Variants in PCDHGB1 observed in about 807,000 individuals in gnomAD.
PCDHGB1 encodes the protein protocadherin gamma-B1.
A neutral mutation model predicts 56.6 loss-of-function variants in PCDHGB1; 34 were observed. The ratio of observed to expected loss-of-function variants is 0.60; its 90% confidence interval spans 0.46 to 0.80. The LOEUF (loss-of-function observed/expected upper bound fraction) is 0.80. Ranked by LOEUF, PCDHGB1 falls within the 30% of genes least tolerant of loss-of-function variation. The pLI is 0.00. For synonymous variants in PCDHGB1, 561 were observed against 505.9 expected (o/e 1.11, Z -1.46); for missense variants, 1,278 against 1,204.6 (o/e 1.06, Z -0.90).
chr5:141,427,723 G>A, intron 1 of PCDHGB1: 1 of 1,127,490 alleles, frequency 8.9e-7, no homozygotes, highest in Non-Finnish European at 1.3e-6. Context: ...CTGGACCTAG[G>A]GCTGAATGGC....
intron 1 of PCDHGB1, chr5:141,398,248 A>G (rs908511447): frequency 1.4e-6 from 2 of 1,472,692 alleles, no homozygotes; most frequent in African/African-American, 2.9e-5. Flanking sequence ...TCCCGAGGAA[A>G]TGCCCAAGGG....
At chr5:141,384,046 A>T (rs372405767) in intron 1 of PCDHGB1, 1 of 1,612,316 alleles carries the variant, frequency 6.2e-7, no homozygotes, top group Admixed American at 1.7e-5. Context: ...TGGTGAGGTG[A>T]CCTGCACCAT....
At chr5:141,462,474 C>T (rs2099040477) in intron 1 of PCDHGB1, among the ~76,000 whole-genome samples, 1 of 151,994 alleles carries the variant, frequency 6.6e-6, no homozygotes, top group South Asian at 2.1e-4. Flanking sequence ...TATTCTGCTT[C>T]TCGTGGTTGT....
intron 1 of PCDHGB1, chr5:141,389,844 G>C: frequency 6.2e-7 from 1 of 1,614,014 alleles, no homozygotes; most frequent in Non-Finnish European, 8.5e-7. Flanking sequence ...ACCACTCTCG[G>C]CCACTGCCAC....
intron 1 of PCDHGB1, chr5:141,371,624 G>A (rs1429175978): frequency 6.2e-7 from 1 of 1,613,994 alleles, no homozygotes. Context: ...ATGGAGCCCT[G>A]GACCGGGAGC....
chr5:141,405,410 TTTTTGTTTTTTG>T lies in PCDHGB1; in HGVS notation c.2409+52751_2409+52762del, dbSNP rs1345529499. 4 of 1,557,296 alleles carry T rather than the reference TTTTTGTTTTTTG, an allele frequency of 2.6e-6. No individual in the cohort carries two copies. In the South Asian group the frequency reaches 4.6e-5, roughly 18 times the overall value. ...ATTTTTTTTCTTTCTTTCTTTTCTT[TTTTTGTTTTTTG>T]TTTTGTTTTGTTTTTGAGACAGAGT... On this transcript the variant is annotated intron_variant, in intron 1 of 3. Transcript: ENST00000523390.
intron 1 of PCDHGB1, chr5:141,418,409 G>A (rs2096254230): frequency 6.2e-7 from 1 of 1,613,792 alleles, no homozygotes; most frequent in African/African-American, 1.3e-5. Context: ...GGTGGAGAAA[G>A]ACAATCCTGA....
At chr5:141,456,860 G>A (rs1345260160) in intron 1 of PCDHGB1, among the ~76,000 whole-genome samples, 1 of 152,170 alleles carries the variant, frequency 6.6e-6, no homozygotes, top group African/African-American at 2.4e-5. Flanking sequence ...CTAATTGGGA[G>A]GCTGAGGCAG....
chr5:141,473,147 T>A (rs2099315103), intron 1 of PCDHGB1, among the ~76,000 whole-genome samples: 1 of 152,222 alleles, frequency 6.6e-6, no homozygotes, highest in Admixed American at 6.5e-5. Flanking sequence ...TCTCTTCAGA[T>A]CACTAGGGCT....
At position 141,476,140 on chromosome 5, in the gene PCDHGB1, C is replaced by A. The variant is rs1410430310; in HGVS notation, c.2410-18667C>A. On this transcript the variant is annotated intron_variant, in intron 1 of 3. Coordinates refer to ENST00000523390, the MANE Select transcript of PCDHGB1 (RefSeq NM_018922.3). The surrounding 1 kb of genome is among the most constrained non-coding windows in gnomAD (Gnocchi z 7.6). ...AGATGGTCCCAGAGGCCTGGAGGAG[C>A]GGACTGGTAAGCACCGGGAGGGTAG... 6 of 1,609,222 alleles carry A rather than the reference C, an allele frequency of 3.7e-6. No homozygotes were observed. The highest frequency in any genetic ancestry group is 5.1e-6 in the Non-Finnish European group (6 of 1,178,484).
intron 1 of PCDHGB1, chr5:141,372,483 GC>G (rs762661083): frequency 1.9e-6 from 3 of 1,614,028 alleles, no homozygotes; most frequent in Non-Finnish European, 2.5e-6. Flanking sequence ...AGTGGCGTTG[GC>G]CTTGATCTCA....
rs750401937 is a variant in PCDHGB1 at position 141,487,357 on chromosome 5, T to G, written c.2410-7450T>G. 5.0e-6 allele frequency: 8 copies of G among 1,614,212 alleles called. No homozygotes were observed. The highest frequency in any genetic ancestry group is 6.8e-6 in the Non-Finnish European group (8 of 1,180,032). ...CCTGTGGAGTCACATGCTTTCCTGC[T>G]GGCACCTGTGCCTGTCTCACCAGAT... On this transcript the variant is annotated intron_variant, in intron 1 of 3. Transcript: ENST00000523390. This position sits in a 1 kb window ranked among gnomAD's most constrained non-coding sequence, Gnocchi z 5.0.
At chr5:141,421,119 C>T (rs542039688) in intron 1 of PCDHGB1, 1 of 772,768 alleles carries the variant, frequency 1.3e-6, no homozygotes, top group Non-Finnish European at 2.0e-6. Flanking sequence ...TATTTTCCTT[C>T]GCTTTCTGAT....
Position 141,485,665 on chromosome 5 carries a change from C to G in PCDHGB1, c.2410-9142C>G. ...AGGCTCAGGATGCAGATGTGGGGAG[C>G]AATTCGATTAGCAGCTATAGGCTGA... On this transcript the variant is annotated intron_variant, in intron 1 of 3. Coordinates refer to ENST00000523390, the MANE Select transcript of PCDHGB1 (RefSeq NM_018922.3). This position sits in a 1 kb window ranked among gnomAD's most constrained non-coding sequence, Gnocchi z 5.7. 1 of 1,612,622 alleles carries G rather than the reference C, an allele frequency of 6.2e-7. No individual in the cohort carries two copies.
chr5:141,377,445 A>T (rs1442230734), intron 1 of PCDHGB1: 1 of 152,050 alleles, frequency 6.6e-6, no homozygotes, highest in Admixed American at 6.6e-5. Flanking sequence ...AAAAGAAAAA[A>T]AAGTAGCCAG....
intron 1 of PCDHGB1, 96 bp from the exon 2 acceptor site, chr5:141,494,711 A>G (rs757105958): frequency 6.3e-7 from 1 of 1,599,616 alleles, no homozygotes; most frequent in Non-Finnish European, 8.5e-7. Flanking sequence ...CTCTGTGCCC[A>G]CTCCCCTCCT....
intron 1 of PCDHGB1, among the ~76,000 whole-genome samples, chr5:141,482,498 T>G (rs1226516612): frequency 1.5e-5 from 2 of 135,390 alleles, no homozygotes; most frequent in African/African-American, 3.0e-5. Context: ...GTTATCATTC[T>G]GGTACCCAGA....
At chr5:141,400,740 G>T in intron 1 of PCDHGB1, 1 of 616,766 alleles carries the variant, frequency 1.6e-6, no homozygotes, top group Non-Finnish European at 2.8e-6. Context: ...GTGAGAGTTT[G>T]CTCTTAGCTT....
intron 1 of PCDHGB1, among the ~76,000 whole-genome samples, chr5:141,463,460 T>TTTC (rs1554144872): frequency 7.4e-6 from 1 of 136,038 alleles, no homozygotes; most frequent in South Asian, 2.5e-4. Context: ...TTTTTTTTTT[T>TTTC]TTTTTTGAGA....
Sources: gnomAD v4.1 joint callset for allele counts (sites outside exome capture counted in the v4.1 genomes callset) on GRCh38, gnomAD v4.1.1 for gene constraint, Gnocchi (gnomAD v3.1) non-coding constraint, MANE v1.5 for transcripts, NCBI Gene and HGNC (gene_info 2026-07-23, HGNC 2026-07-21) for gene names.